The following WDR37 variants were observed in gnomAD, a reference collection of about 807,000 sequenced individuals.
WDR37 encodes WD repeat-containing protein 37.
In WDR37, 19 loss-of-function variants were observed where a neutral mutation model predicts 62.9. The ratio of observed to expected loss-of-function variants is 0.30; its 90% CI spans 0.21 to 0.44. WDR37 has a LOEUF of 0.44. Ranked by LOEUF, WDR37 falls within the 20% of genes least tolerant of loss-of-function variation. The pLI, the probability that WDR37 is intolerant of heterozygous loss-of-function variation, is 1.00. For missense variants in WDR37, 474 were observed against 657.6 expected (o/e 0.72, Z 3.05); for synonymous variants, 250 against 260.9 (o/e 0.96, Z 0.40).
In WDR37 at chr10:1,103,700, A is replaced by T. The variant is rs1189395440; in HGVS notation, c.825A>T (p.Thr275=). The part of the protein sequence containing the change: ...SDCPTIRVPL[T]SLKSHQGVVI... ...GCCCCACCATCCGCGTCCCACTGACATCCCTCAAGAGCCACCAGGGCGTGG... is the reference window on the plus strand; with the variant it reads ...GCCCCACCATCCGCGTCCCACTGACTTCCCTCAAGAGCCACCAGGGCGTGG... The change falls in exon 10 of 14, where the codon ACA becomes ACT. Residue 275 remains threonine, a synonymous_variant. Coordinates refer to ENST00000263150, the MANE Select transcript of WDR37 (RefSeq NM_014023.4). The surrounding 1 kb of genome is among the most constrained non-coding windows in gnomAD (Gnocchi z 6.3). The T allele has an allele frequency of 1.2e-6, 2 of 1,614,136 alleles. No homozygotes were observed. Among genetic ancestry groups the T allele is most frequent in the Admixed American group, 1.7e-5 (1 of 60,012 alleles).
At chr10:1,104,078 G>C (rs1288678272) in intron 10 of WDR37, among the ~76,000 whole-genome samples, 3 of 152,218 alleles carry the variant, frequency 2.0e-5, no homozygotes, top group Non-Finnish European at 4.4e-5. Flanking sequence ...TATGGTAGTT[G>C]TATTAGTTTT....
chr10:1,068,355 C>CCTGTAGTCCCAGCCACTCGGGAGG (rs755345670), intron 1 of WDR37, among the ~76,000 whole-genome samples: 30,028 of 109,462 alleles, frequency 0.27, 5,771 homozygotes, highest in East Asian at 0.35. Flanking sequence ...GTGGCGGGCG[C>CCTGTAGTCCCAGCCACTCGGGAGG]CTGAGGCAGG....
chr10:1,072,357 T>G (rs1322133375), intron 2 of WDR37, 64 bp downstream of exon 2: 1 of 1,590,662 alleles, frequency 6.3e-7, no homozygotes, highest in African/African-American at 1.3e-5. Context: ...TTCGCTCGTT[T>G]CCCCGGCTGG....
At chr10:1,097,191 C>A (rs1049993255) in intron 9 of WDR37, among the ~76,000 whole-genome samples, 1 of 152,156 alleles carries the variant, frequency 6.6e-6, no homozygotes, top group Non-Finnish European at 1.5e-5. Context: ...GGGAAATTCC[C>A]AGCCTGTGTC....
At chr10:1,108,326 T>C (rs1188334359) in intron 11 of WDR37, among the ~76,000 whole-genome samples, 1 of 152,206 alleles carries the variant, frequency 6.6e-6, no homozygotes, top group Non-Finnish European at 1.5e-5. Flanking sequence ...TTTGTTACTT[T>C]TTAGGATATT....
chr10:1,083,817 G>A (rs1321287829), intron 5 of WDR37, among the ~76,000 whole-genome samples: 1 of 152,182 alleles, frequency 6.6e-6, no homozygotes, highest in Non-Finnish European at 1.5e-5. Context: ...CCTCATAGCT[G>A]GTGCCTGTTC....
At chr10:1,089,651 GTGCTCACCCGCAGTTCGGCCTTCCC>G (rs1834317693) in intron 7 of WDR37, among the ~76,000 whole-genome samples, 1 of 29,168 alleles carries the variant, frequency 3.4e-5, no homozygotes, top group South Asian at 1.3e-3. Context: ...CAGCCTTCCC[GTGCTCACCCGCAGTTCGGCCTTCCC>G]GTGCTCACCC....
chr10:1,093,999 CT>C (rs1275752200), intron 8 of WDR37, among the ~76,000 whole-genome samples: 4 of 152,170 alleles, frequency 2.6e-5, no homozygotes, highest in Non-Finnish European at 5.9e-5. Context: ...TCCTTGGTCG[CT>C]TTTTCGAGGG....
At chr10:1,101,103 G>A (rs1834781903) in intron 9 of WDR37, among the ~76,000 whole-genome samples, 1 of 152,190 alleles carries the variant, frequency 6.6e-6, no homozygotes, top group Non-Finnish European at 1.5e-5. Context: ...GCAGCAGAGG[G>A]CGCTTCAGTT....
chr10:1,116,793 T>C (rs1835414735), intron 11 of WDR37, among the ~76,000 whole-genome samples: 1 of 152,106 alleles, frequency 6.6e-6, no homozygotes, highest in Non-Finnish European at 1.5e-5. Flanking sequence ...GTGTTTCCTT[T>C]GTATTAGTTA....
intron 11 of WDR37, among the ~76,000 whole-genome samples, chr10:1,110,608 C>T (rs1589115754): frequency 1.3e-5 from 2 of 152,166 alleles, no homozygotes; most frequent in South Asian, 2.1e-4. Flanking sequence ...GTCCGGGGTG[C>T]GGGTTTAGTT....
chr10:1,095,416 G>T (rs931020505), intron 8 of WDR37, among the ~76,000 whole-genome samples: 4 of 152,056 alleles, frequency 2.6e-5, no homozygotes, highest in Admixed American at 1.3e-4. Context: ...GAGGTAACGG[G>T]CATGGAGAGA....
At chr10:1,100,082 C>T (rs1834741791) in intron 9 of WDR37, among the ~76,000 whole-genome samples, 1 of 152,226 alleles carries the variant, frequency 6.6e-6, no homozygotes, top group Non-Finnish European at 1.5e-5. Flanking sequence ...AGGGAAGATT[C>T]ATGTCCAGTA....
intron 2 of WDR37, among the ~76,000 whole-genome samples, chr10:1,077,513 G>T (rs7085063): frequency 0.085 from 13,001 of 152,218 alleles, 707 homozygotes; most frequent in East Asian, 0.17. Flanking sequence ...TGAGGGTCTA[G>T]CAGATTAAAA....
At chr10:1,109,667 C>T (rs543970333) in intron 11 of WDR37, among the ~76,000 whole-genome samples, 9 of 152,236 alleles carry the variant, frequency 5.9e-5, no homozygotes, top group East Asian at 1.9e-4. Context: ...GCCGAGATCA[C>T]GCCGTTGCAC....
rs112644529 is a variant in WDR37, at chr10:1,126,171, T to C, written c.1353+1147T>C. The stretch of plus-strand genomic sequence containing the variant: ...CTGTAATCGTAGCACTTTGGGAGGC[T>C]GAGGCGGGCAGATCACGAGGTCAGG... On this transcript the variant is annotated intron_variant, in intron 13 of 13. Coordinates refer to ENST00000263150, the MANE Select transcript of WDR37 (RefSeq NM_014023.4). Among the ~76,000 whole-genome samples the C allele has an allele frequency of 4.3e-3, 651 of 152,128 alleles. 5 individuals carry two copies. Among genetic ancestry groups the C allele is most frequent in the African/African-American group, 7.7e-3 (321 of 41,486 alleles).
At position 1,097,292 on chromosome 10, in the gene WDR37, G is replaced by C. The variant is rs547071349; in HGVS notation, c.726+1046G>C. Among the ~76,000 whole-genome samples the C allele has an allele frequency of 2.0e-3, 305 of 152,258 alleles. 2 individuals carry two copies. Among genetic ancestry groups the C allele is most frequent in the South Asian group, 0.017 (80 of 4,820 alleles). Reference sequence around the variant, plus strand: ...GACAGGGAGGCGAGTGTGGGTGGGAGCCACAGCTTTAAGCACCCACCGCAG... The same window carrying C: ...GACAGGGAGGCGAGTGTGGGTGGGACCCACAGCTTTAAGCACCCACCGCAG... On this transcript the variant is annotated intron_variant, in intron 9 of 13. Transcript: ENST00000263150.
rs897084886 is a variant in WDR37, at chr10:1,088,441, T to C, written c.604+2084T>C. Among the ~76,000 whole-genome samples, 8 of 152,214 alleles carry C rather than the reference T, an allele frequency of 5.3e-5. No individual in the cohort carries two copies. In the East Asian group the frequency reaches 5.8e-4, roughly 11 times the overall value. ...ATACTTAGAGGCCATTGTAGGGTTATGAATTGGCCTAATTTTAGTATTGTT... is the reference window on the plus strand; with the variant it reads ...ATACTTAGAGGCCATTGTAGGGTTACGAATTGGCCTAATTTTAGTATTGTT... On this transcript the variant is annotated intron_variant, in intron 7 of 13. Coordinates refer to ENST00000263150, the MANE Select transcript of WDR37 (RefSeq NM_014023.4).
intron 1 of WDR37, among the ~76,000 whole-genome samples, chr10:1,058,896 A>G (rs1833283600): frequency 6.6e-6 from 1 of 152,218 alleles, no homozygotes; most frequent in African/African-American, 2.4e-5. Flanking sequence ...TTATTTCTCC[A>G]ATTTATTTTT....
Sources: gnomAD v4.1 joint callset for allele counts (sites outside exome capture counted in the v4.1 genomes callset) on GRCh38, gnomAD v4.1.1 for gene constraint, Gnocchi (gnomAD v3.1) non-coding constraint, MANE v1.5 for transcripts, NCBI Gene and HGNC (gene_info 2026-07-23, HGNC 2026-07-21) for gene names.